Variants in TRAPPC9 observed in about 807,000 individuals in gnomAD.
TRAPPC9 encodes the protein IKK2 binding protein.
Under a neutral mutation model 124.0 loss-of-function variants are expected in TRAPPC9, and 83 were observed. The ratio of observed to expected loss-of-function variants is 0.67; its 90% CI spans 0.56 to 0.80. The LOEUF is 0.80. Among genes scored for constraint, TRAPPC9 ranks in the 30% least tolerant of loss-of-function variants. The pLI, the probability that TRAPPC9 is intolerant of heterozygous loss-of-function variation, is 0.00. For missense variants in TRAPPC9, 1,302 were observed against 1,508.3 expected (o/e 0.86, Z 2.27); for synonymous variants, 638 against 617.5 (o/e 1.03, Z -0.49).
At chr8:139,902,908 C>T (rs1221522633) in intron 20 of TRAPPC9, among the ~76,000 whole-genome samples, 1 of 152,174 alleles carries the variant, frequency 6.6e-6, no homozygotes, top group Admixed American at 6.5e-5. Flanking sequence ...GGTGAGATCA[C>T]CCAAACAGGG....
chr8:139,960,258 A>T (rs1835290894), intron 19 of TRAPPC9, among the ~76,000 whole-genome samples: 1 of 151,910 alleles, frequency 6.6e-6, no homozygotes, highest in African/African-American at 2.4e-5. Flanking sequence ...CCTTGATGAG[A>T]CTCCTCTGAC....
At chr8:140,013,039 T>G (rs80265951) in intron 18 of TRAPPC9, among the ~76,000 whole-genome samples, 4 of 152,260 alleles carry the variant, frequency 2.6e-5, no homozygotes, top group Non-Finnish European at 5.9e-5. Context: ...AACACCTACA[T>G]GCACAGGGCT....
chr8:140,021,863 CA>C (rs1172099156), intron 18 of TRAPPC9, among the ~76,000 whole-genome samples: 2 of 152,260 alleles, frequency 1.3e-5, no homozygotes, highest in South Asian at 4.1e-4. Context: ...AGGTATTTTC[CA>C]AAAGGTTGAA....
chr8:140,015,425 G>A (rs1459459009), intron 18 of TRAPPC9, among the ~76,000 whole-genome samples: 6 of 152,334 alleles, frequency 3.9e-5, no homozygotes, highest in Admixed American at 1.3e-4. Context: ...AATACACCAT[G>A]CATCACGTAA....
chr8:140,214,916 T>C (rs1413883718), intron 17 of TRAPPC9, among the ~76,000 whole-genome samples: 2 of 152,136 alleles, frequency 1.3e-5, no homozygotes, highest in East Asian at 3.9e-4. Flanking sequence ...GACTACACCA[T>C]TCCTCGGTGA....
intron 9 of TRAPPC9, among the ~76,000 whole-genome samples, chr8:140,313,743 G>A (rs138204988): frequency 2.0e-5 from 3 of 152,238 alleles, no homozygotes; most frequent in African/African-American, 4.8e-5. Context: ...AGGGACCGTC[G>A]CCAGCTGCAG....
At chr8:139,851,779 G>A (rs1167535036) in intron 21 of TRAPPC9, among the ~76,000 whole-genome samples, 2 of 152,214 alleles carry the variant, frequency 1.3e-5, no homozygotes, top group East Asian at 3.8e-4. Context: ...ACATTATAGA[G>A]AAGCCTGAGC....
At chr8:140,234,130 T>C (rs6987511) in intron 16 of TRAPPC9, among the ~76,000 whole-genome samples, 70,502 of 151,748 alleles carry the variant, frequency 0.46, 17,573 homozygotes, top group Middle Eastern at 0.57. Context: ...AGGAGGTGAG[T>C]GGAGGGCCAG....
intron 21 of TRAPPC9, among the ~76,000 whole-genome samples, chr8:139,769,302 C>G (rs1486998427): frequency 6.6e-6 from 1 of 152,138 alleles, no homozygotes; most frequent in East Asian, 1.9e-4. Flanking sequence ...ACTAATAACA[C>G]AAAAGAACAA....
In TRAPPC9 at chr8:140,097,360, G is replaced by C. The variant is rs1254420956; in HGVS notation, c.2557-73281C>G. On this transcript the variant is annotated intron_variant, in intron 17 of 22. Transcript: ENST00000438773. This position sits in a 1 kb window ranked among gnomAD's most constrained non-coding sequence, Gnocchi z 4.2. ...AGCCCTGCCACTGTCTGCAGGGTAA[G>C]GACGCCCACCTGGGTTCTTGTGCCA... 1 of 152,356 alleles carries C rather than the reference G, an allele frequency of 6.6e-6. No homozygotes were observed. The highest frequency in any genetic ancestry group is 1.5e-5 in the Non-Finnish European group (1 of 68,134). The allele number at this position is 152,356 out of a possible 1,614,324, so 9.4% of individuals were successfully genotyped here. A position where few individuals can be genotyped will look rare whatever the true frequency, so the allele number is the denominator to read the frequency against.
intron 17 of TRAPPC9, among the ~76,000 whole-genome samples, chr8:140,200,947 C>G (rs1250668959): frequency 6.6e-6 from 1 of 152,200 alleles, no homozygotes; most frequent in Non-Finnish European, 1.5e-5. Flanking sequence ...TGCAGCTTTT[C>G]TGTAAATCTA....
intron 17 of TRAPPC9, among the ~76,000 whole-genome samples, chr8:140,193,598 G>A (rs907340849): frequency 1.0e-4 from 15 of 143,932 alleles, no homozygotes; most frequent in African/African-American, 3.4e-4. Flanking sequence ...TTCCATAAGG[G>A]CAGAAGGGAT....
At chr8:140,065,157 G>A (rs1264627117) in intron 17 of TRAPPC9, among the ~76,000 whole-genome samples, 2 of 152,144 alleles carry the variant, frequency 1.3e-5, no homozygotes, top group Non-Finnish European at 2.9e-5. Flanking sequence ...AATCCCTTAA[G>A]CCAAAATCTA....
At chr8:140,148,638 T>C (rs554813999) in intron 17 of TRAPPC9, among the ~76,000 whole-genome samples, 32 of 152,296 alleles carry the variant, frequency 2.1e-4, no homozygotes, top group African/African-American at 7.5e-4. Context: ...CCACTCACCC[T>C]GACCCTATGA....
At chr8:139,790,955 C>T (rs1822618040) in intron 21 of TRAPPC9, among the ~76,000 whole-genome samples, 2 of 152,088 alleles carry the variant, frequency 1.3e-5, no homozygotes, top group African/African-American at 2.4e-5. Flanking sequence ...CTATTGTGCC[C>T]GCTCTACCTT....
intron 21 of TRAPPC9, among the ~76,000 whole-genome samples, chr8:139,873,791 C>T (rs1323164767): frequency 6.6e-6 from 1 of 152,228 alleles, no homozygotes; most frequent in East Asian, 1.9e-4. Flanking sequence ...GGAGTTTTCT[C>T]CAGAGACCTG....
At position 139,906,464 on chromosome 8, in the gene TRAPPC9, G is replaced by A. The variant is rs1425685722; in HGVS notation, c.2964+3683C>T. 5.3e-5 allele frequency among the ~76,000 whole-genome samples: 8 copies of A among 152,268 alleles called. No individual in the cohort carries two copies. The East Asian group carries it at 9.7e-4, about 18-fold the overall frequency. On this transcript the variant is annotated intron_variant, in intron 20 of 22. Coordinates refer to ENST00000438773, the MANE Select transcript of TRAPPC9 (RefSeq NM_001160372.4). ...AGTGCCCGGGGGTGCCCAATCACAC[G>A]TGGGGTCTGAGGGAGGGGACAAGAA...
chr8:140,190,942 C>G (rs1201053718), intron 17 of TRAPPC9, among the ~76,000 whole-genome samples: 1 of 152,168 alleles, frequency 6.6e-6, no homozygotes, highest in Non-Finnish European at 1.5e-5. Flanking sequence ...GCTTCTCCAA[C>G]AATCGGATTC....
intron 14 of TRAPPC9, among the ~76,000 whole-genome samples, chr8:140,277,586 G>A (rs1417305104): frequency 3.3e-5 from 5 of 152,264 alleles, no homozygotes. Flanking sequence ...CACAGGGCCT[G>A]GGCCTAACAC....
Sources: gnomAD v4.1 joint callset for allele counts (sites outside exome capture counted in the v4.1 genomes callset) on GRCh38, gnomAD v4.1.1 for gene constraint, Gnocchi (gnomAD v3.1) non-coding constraint, MANE v1.5 for transcripts, NCBI Gene and HGNC (gene_info 2026-07-23, HGNC 2026-07-21) for gene names.